Variants in STON2 observed in about 807,000 individuals in gnomAD.
STON2 encodes stonin 2.
In STON2, 29 loss-of-function variants were observed where a neutral mutation model predicts 65.7. The ratio of observed to expected loss-of-function variants is 0.44; its 90% CI spans 0.33 to 0.60. The LOEUF is 0.60. STON2 is among the 20% of genes least tolerant of loss of function. STON2 has a pLI of 0.03. For missense variants in STON2, 1,054 were observed against 1,118.1 expected (o/e 0.94, Z 0.82); for synonymous variants, 404 against 414.2 (o/e 0.98, Z 0.30).
At chr14:81,274,226 C>T (rs1894714917) in intron 6 of STON2, among the ~76,000 whole-genome samples, 1 of 152,134 alleles carries the variant, frequency 6.6e-6, no homozygotes, top group African/African-American at 2.4e-5. Context: ...TGGGGTTTCA[C>T]TATTGAAAAT....
At chr14:81,420,512 C>A (rs1901653657) in intron 2 of STON2, among the ~76,000 whole-genome samples, 1 of 152,104 alleles carries the variant, frequency 6.6e-6, no homozygotes, top group Non-Finnish European at 1.5e-5. Context: ...GACTAAGATC[C>A]AGCACCTGCC....
At chr14:81,354,371 G>T (rs1955697196) in intron 4 of STON2, among the ~76,000 whole-genome samples, 1 of 152,184 alleles carries the variant, frequency 6.6e-6, no homozygotes, top group Non-Finnish European at 1.5e-5. Context: ...AACAGTGAAG[G>T]CCTACCTCTA....
intron 5 of STON2, among the ~76,000 whole-genome samples, chr14:81,310,999 G>C (rs1896403487): frequency 6.6e-6 from 1 of 152,112 alleles, no homozygotes; most frequent in South Asian, 2.1e-4. Flanking sequence ...GATATCCCTC[G>C]AGTACTTGTT....
At chr14:81,309,283 C>G (rs1000310473) in intron 5 of STON2, among the ~76,000 whole-genome samples, 3 of 151,222 alleles carry the variant, frequency 2.0e-5, no homozygotes, top group African/African-American at 7.3e-5. Flanking sequence ...CAAGGAGGTA[C>G]CAAATATTAG....
At chr14:81,378,056 AG>A (rs1899336652) in intron 3 of STON2, among the ~76,000 whole-genome samples, 1 of 152,124 alleles carries the variant, frequency 6.6e-6, no homozygotes. Context: ...CATGTTGGTC[AG>A]GCTGGTCTCA....
chr14:81,319,014 T>C (rs1896726695), intron 5 of STON2, among the ~76,000 whole-genome samples: 1 of 152,100 alleles, frequency 6.6e-6, no homozygotes, highest in Non-Finnish European at 1.5e-5. Flanking sequence ...ATCTCTGCCA[T>C]CTCCACGAGA....
At chr14:81,311,919 T>C (rs4903980) in intron 5 of STON2, among the ~76,000 whole-genome samples, 119,762 of 152,136 alleles carry the variant, frequency 0.79, 47,293 homozygotes, top group African/African-American at 0.8. Flanking sequence ...GTGAGCCTTA[T>C]GGTTTGGCTG....
upstream of STON2, among the ~76,000 whole-genome samples, chr14:81,400,776 C>T (rs10135926): frequency 0.23 from 35,105 of 152,050 alleles, 5,561 homozygotes; most frequent in East Asian, 0.43. Flanking sequence ...TTAGGTTGTT[C>T]GGATTTGAGT....
intron 5 of STON2, among the ~76,000 whole-genome samples, chr14:81,307,972 A>G (rs6574642): frequency 0.79 from 119,686 of 152,004 alleles, 47,271 homozygotes; most frequent in African/African-American, 0.8. Context: ...CCTAACTCCC[A>G]TGTTGTTCAA....
chr14:81,278,247 T>C lies in STON2; in HGVS notation c.1235A>G (p.Gln412Arg). The C allele has an allele frequency of 6.2e-7, 1 of 1,614,172 alleles. No homozygotes were observed. Among genetic ancestry groups the C allele is most frequent in the Non-Finnish European group, 8.5e-7 (1 of 1,180,036 alleles). Residue 412 changes from glutamine to arginine, a missense_variant, in exon 6 of 8, where the codon CAA (glutamine) becomes CGA (arginine). Transcript: ENST00000614646. The stretch of plus-strand genomic sequence containing the variant: ...GTAGATGACAATGAGGGAATCTCTT[T>C]GGCTTTTGCCCGTGGTACTGGAAAT... The part of the protein sequence containing the change: ...SSISSTTGKS[Q>R]RDSLIVIYQD...
chr14:81,347,123 CAACAA>C (rs1053434044), intron 4 of STON2, among the ~76,000 whole-genome samples: 2 of 151,440 alleles, frequency 1.3e-5, no homozygotes, highest in African/African-American at 4.8e-5. Flanking sequence ...CCCGAAGAAT[CAACAA>C]AACAAAACTG....
chr14:81,431,960 C>T (rs549210312), intron 1 of STON2, among the ~76,000 whole-genome samples: 1 of 152,122 alleles, frequency 6.6e-6, no homozygotes, highest in South Asian at 2.1e-4. Flanking sequence ...AAATAAAATG[C>T]ATATAGAATT....
chr14:81,319,033 C>T (rs568014836), intron 5 of STON2, among the ~76,000 whole-genome samples: 1 of 152,232 alleles, frequency 6.6e-6, no homozygotes, highest in African/African-American at 2.4e-5. Context: ...GAATAACATG[C>T]TAAAGGTAGC....
rs554750085 is a variant in STON2 at position 81,380,633 on chromosome 14, T to C, written c.374-9448A>G. ...GTGGAACATATACACGATGGAATAC[T>C]ACGCAGCCATAAAAAAAATGAGATC... On this transcript the variant is annotated intron_variant, in intron 3 of 7. Coordinates refer to ENST00000614646, the MANE Select transcript of STON2 (RefSeq NM_001394390.1). Among the ~76,000 whole-genome samples, 44 of 152,278 alleles carry C rather than the reference T, an allele frequency of 2.9e-4. 1 individual carries two copies. The South Asian group carries it at 8.7e-3, about 30-fold the overall frequency.
intron 5 of STON2, among the ~76,000 whole-genome samples, chr14:81,283,811 GA>G (rs1453577628): frequency 6.6e-6 from 1 of 152,184 alleles, no homozygotes; most frequent in Admixed American, 6.5e-5. Context: ...TTACAGGCGT[GA>G]GCCACTGTAC....
intron 4 of STON2, among the ~76,000 whole-genome samples, chr14:81,338,923 C>A (rs975514985): frequency 6.6e-6 from 1 of 152,126 alleles, no homozygotes; most frequent in African/African-American, 2.4e-5. Context: ...TTGAGCTGAA[C>A]CTGGACAGAA....
chr14:81,410,625 T>C (rs1356114553), intron 2 of STON2, among the ~76,000 whole-genome samples: 3 of 152,198 alleles, frequency 2.0e-5, no homozygotes, highest in Non-Finnish European at 4.4e-5. Context: ...CATGGTACCC[T>C]GAGCAGGGAA....
intron 4 of STON2, chr14:81,333,078 T>C: frequency 1.3e-6 from 1 of 786,364 alleles, no homozygotes; most frequent in Non-Finnish European, 2.2e-6. Context: ...ACAGACCATG[T>C]CTTACAAGTC....
At chr14:81,366,458 C>T (rs955007345) in intron 4 of STON2, among the ~76,000 whole-genome samples, 1 of 152,162 alleles carries the variant, frequency 6.6e-6, no homozygotes, top group Non-Finnish European at 1.5e-5. Flanking sequence ...GTTACCCTGA[C>T]ACACTGTGCT....
Sources: gnomAD v4.1 joint callset for allele counts (sites outside exome capture counted in the v4.1 genomes callset) on GRCh38, gnomAD v4.1.1 for gene constraint, MANE v1.5 for transcripts, NCBI Gene and HGNC (gene_info 2026-07-23, HGNC 2026-07-21) for gene names.